Variants in SAMSN1 observed in about 807,000 individuals in gnomAD.
The protein encoded by SAMSN1 is SAM domain, SH3 domain and nuclear localization signals 1.
Under a neutral mutation model 42.0 loss-of-function variants are expected in SAMSN1, and 31 were observed. The observed-to-expected ratio is 0.74, with a 90% CI of 0.55 to 1.00. The LOEUF is 1.00. SAMSN1 is among the 50% of genes least tolerant of loss of function. The probability of loss-of-function intolerance (pLI) is 0.00; values close to 1 mark genes in which losing one functional copy is unlikely to be tolerated. For synonymous variants in SAMSN1, 178 were observed against 151.9 expected (o/e 1.17, Z -1.26); for missense variants, 464 against 439.4 (o/e 1.06, Z -0.50).
At chr21:14,526,730 A>C (rs1600896533) in intron 1 of SAMSN1, among the ~76,000 whole-genome samples, 1 of 152,110 alleles carries the variant, frequency 6.6e-6, no homozygotes, top group Non-Finnish European at 1.5e-5. Context: ...TCTTCTTCCC[A>C]AGAGGCTTGC....
intron 4 of SAMSN1, chr21:14,612,597 A>C (rs1568830575): frequency 1.9e-6 from 1 of 529,594 alleles, no homozygotes; most frequent in East Asian, 4.9e-5. Flanking sequence ...CAAGCTACAC[A>C]TGGAGAGCTG....
chr21:14,592,716 C>T (rs956353827), intron 7 of SAMSN1: 10 of 248,272 alleles, frequency 4.0e-5, no homozygotes, highest in Admixed American at 3.6e-4. Flanking sequence ...GAAATATTCT[C>T]TACTCCAACA....
chr21:14,545,843 G>C (rs966663255), intron 1 of SAMSN1, among the ~76,000 whole-genome samples: 2 of 152,088 alleles, frequency 1.3e-5, no homozygotes, highest in African/African-American at 4.8e-5. Flanking sequence ...TCATTCAGTA[G>C]ACTGTTCAAT....
chr21:14,599,393 C>A (rs1435674391), intron 6 of SAMSN1, among the ~76,000 whole-genome samples: 3 of 152,172 alleles, frequency 2.0e-5, no homozygotes, highest in African/African-American at 7.2e-5. Context: ...GAAGAAGGTG[C>A]CTGCTTCTCC....
chr21:14,548,144 A>T (rs12482945), upstream of SAMSN1, among the ~76,000 whole-genome samples: 1 of 151,980 alleles, frequency 6.6e-6, no homozygotes, highest in Admixed American at 6.6e-5. Context: ...CACCCTCGAC[A>T]CCCTCTTTTC....
chr21:14,619,429 A>G (rs530778939), intron 2 of SAMSN1, among the ~76,000 whole-genome samples: 111 of 152,352 alleles, frequency 7.3e-4, no homozygotes, highest in African/African-American at 2.1e-3. Flanking sequence ...TGAAAATGAA[A>G]AAATTGAGGC....
At chr21:14,597,407 T>C (rs1982302430) in intron 6 of SAMSN1, among the ~76,000 whole-genome samples, 2 of 152,120 alleles carry the variant, frequency 1.3e-5, no homozygotes. Flanking sequence ...AATATTTTAT[T>C]TGTTAGTAAT....
At chr21:14,534,251 A>G (rs1425168625) in intron 1 of SAMSN1, among the ~76,000 whole-genome samples, 2 of 152,180 alleles carry the variant, frequency 1.3e-5, no homozygotes, top group African/African-American at 4.8e-5. Flanking sequence ...GTTCTATACT[A>G]TCAATGTTTT....
chr21:14,561,150 C>T (rs61302986), intron 2 of SAMSN1, among the ~76,000 whole-genome samples: 10,147 of 152,074 alleles, frequency 0.067, 540 homozygotes, highest in African/African-American at 0.15. Context: ...GTATCTTTCA[C>T]GCTGCCCCAC....
intron 7 of SAMSN1, among the ~76,000 whole-genome samples, chr21:14,498,195 C>A (rs1043428746): frequency 2.9e-4 from 44 of 152,312 alleles, no homozygotes; most frequent in African/African-American, 1.1e-3. Context: ...AATAGCTTTG[C>A]AGAGTGGAAA....
intron 5 of SAMSN1, among the ~76,000 whole-genome samples, chr21:14,506,319 T>C (rs1305532652): frequency 6.6e-6 from 1 of 151,554 alleles, no homozygotes; most frequent in Non-Finnish European, 1.5e-5. Context: ...TAATAGACCA[T>C]TAGTAAGAAT....
intron 1 of SAMSN1, among the ~76,000 whole-genome samples, chr21:14,534,082 C>G (rs932012237): frequency 6.6e-6 from 1 of 152,130 alleles, no homozygotes; most frequent in Admixed American, 6.5e-5. Context: ...TATTTTGATT[C>G]TAGGAATGGT....
chr21:14,505,409 T>C (rs1048505062), intron 5 of SAMSN1, among the ~76,000 whole-genome samples: 5 of 152,156 alleles, frequency 3.3e-5, no homozygotes, highest in African/African-American at 1.2e-4. Flanking sequence ...AAAAAGATAT[T>C]TCATTCAAAT....
upstream of SAMSN1, among the ~76,000 whole-genome samples, chr21:14,659,075 T>C (rs116103296): frequency 8.1e-3 from 1,231 of 152,008 alleles, 13 homozygotes; most frequent in African/African-American, 0.021. Flanking sequence ...TGAAAATGCA[T>C]TGGAAACAAC....
chr21:14,552,467 A>G (rs1568805472), intron 2 of SAMSN1, among the ~76,000 whole-genome samples: 1 of 152,026 alleles, frequency 6.6e-6, no homozygotes, highest in African/African-American at 2.4e-5. Context: ...GTGCCCTTAT[A>G]AAAGAGGCTA....
chr21:14,657,867 C>G (rs1432972920), intron 1 of SAMSN1, among the ~76,000 whole-genome samples: 3 of 151,722 alleles, frequency 2.0e-5, no homozygotes, highest in African/African-American at 7.3e-5. Context: ...CTTAAAATGC[C>G]TCCTGTTTAG....
At chr21:14,486,892 G>C (rs1249463812) in intron 7 of SAMSN1, among the ~76,000 whole-genome samples, 1 of 152,084 alleles carries the variant, frequency 6.6e-6, no homozygotes, top group Non-Finnish European at 1.5e-5. Context: ...ATTACTATTA[G>C]GGATATAACA....
chr21:14,642,580 A>C lies in SAMSN1; in HGVS notation c.156+422T>G, dbSNP rs181613064. ...TTACACTGTGGAAATTGACAAACGC[A>C]TAAATCTAGGTCTCCCTCACAACCA... On this transcript the variant is annotated intron_variant, in intron 2 of 15. Coordinates refer to the SAMSN1 transcript ENST00000647101. 8.5e-3 allele frequency among the ~76,000 whole-genome samples: 1,293 copies of C among 152,342 alleles called. 15 individuals carry two copies. Among genetic ancestry groups the C allele is most frequent in the Non-Finnish European group, 0.01 (712 of 68,018 alleles).
intron 1 of SAMSN1, among the ~76,000 whole-genome samples, chr21:14,649,927 C>T (rs1983802820): frequency 6.6e-6 from 1 of 151,854 alleles, no homozygotes; most frequent in African/African-American, 2.4e-5. Context: ...AACACAAAAT[C>T]TATAAGAAGA....
Sources: gnomAD v4.1 joint callset for allele counts (sites outside exome capture counted in the v4.1 genomes callset) on GRCh38, gnomAD v4.1.1 for gene constraint, MANE v1.5 for transcripts, NCBI Gene and HGNC (gene_info 2026-07-23, HGNC 2026-07-21) for gene names.